Variants in RYR3 observed in about 807,000 individuals in gnomAD.
The protein encoded by RYR3 is brain ryanodine receptor-calcium release channel.
A neutral mutation model predicts 584.3 loss-of-function variants in RYR3; 207 were observed. The ratio of observed to expected loss-of-function variants is 0.35; its 90% CI spans 0.32 to 0.40. The LOEUF (loss-of-function observed/expected upper bound fraction) is 0.40. RYR3 is among the 10% of genes least tolerant of loss of function. The pLI, the probability that RYR3 is intolerant of heterozygous loss-of-function variation, is 1.00. For synonymous variants in RYR3, 2,416 were observed against 2,248.5 expected (o/e 1.07, Z -2.11); for missense variants, 5,616 against 6,089.2 (o/e 0.92, Z 2.59).
chr15:33,775,153 C>T lies in RYR3; in HGVS notation c.9137+1538C>T, dbSNP rs377214226. ...CAGGTTGATTGTGTATCTGCAGCAC[C>T]GTGAAAATAGTGCCTGTGCTTCGTG... On this transcript the variant is annotated intron_variant, in intron 64 of 103. Coordinates refer to ENST00000634891, the MANE Select transcript of RYR3 (RefSeq NM_001036.6). Among the ~76,000 whole-genome samples the T allele has an allele frequency of 8.5e-5, 13 of 152,152 alleles. No individual in the cohort carries two copies. The East Asian group carries it at 1.2e-3, about 14-fold the overall frequency.
intron 1 of RYR3, among the ~76,000 whole-genome samples, chr15:33,368,850 A>G (rs1975902217): frequency 6.6e-6 from 1 of 152,172 alleles, no homozygotes; most frequent in Non-Finnish European, 1.5e-5. Context: ...AGCGAGGTCC[A>G]GAAGAGAGGG....
At chr15:33,700,490 C>G (rs984527036) in intron 41 of RYR3, among the ~76,000 whole-genome samples, 1 of 152,176 alleles carries the variant, frequency 6.6e-6, no homozygotes, top group African/African-American at 2.4e-5. Context: ...AGGCTACTAA[C>G]CTTTTTGTAA....
At chr15:33,772,288 AG>A in intron 63 of RYR3, 130 bp downstream of exon 63, 1 of 585,294 alleles carries the variant, frequency 1.7e-6, no homozygotes, top group Non-Finnish European at 3.0e-6. Context: ...TTTCTTTCTT[AG>A]ATTAAAAAAG....
At chr15:33,727,424 G>T (rs16957874) in intron 46 of RYR3, among the ~76,000 whole-genome samples, 2,194 of 152,196 alleles carry the variant, frequency 0.014, 48 homozygotes, top group African/African-American at 0.051. Flanking sequence ...AGGGACCCGG[G>T]GTCAAATAAG....
rs774135328 is a variant in RYR3, at chr15:33,816,972, C to T, written c.10599+14C>T. On this transcript the variant is annotated intron_variant, in intron 75 of 103. Transcript: ENST00000634891. ...CAGGATTTGGCTGTAAGTACTGACT[C>T]CCCTGGGAGCAGATATGAGTGTGGA... 2.0e-6 allele frequency: 3 copies of T among 1,485,802 alleles called. No homozygotes were observed. Among genetic ancestry groups the T allele is most frequent in the African/African-American group, 2.8e-5 (2 of 72,310 alleles). The allele number at this position is 1,485,802 out of a possible 1,614,324, so 92.0% of individuals were successfully genotyped here. A position where few individuals can be genotyped will look rare whatever the true frequency, so the allele number is the denominator to read the frequency against.
chr15:33,789,684 T>G (rs1353281403), intron 67 of RYR3, among the ~76,000 whole-genome samples: 1 of 60,808 alleles, frequency 1.6e-5, no homozygotes, highest in Non-Finnish European at 3.4e-5. Context: ...TTTTTTTTTT[T>G]TTTTTTTTGA....
Position 33,755,146 on chromosome 15 carries a change from C to T in RYR3, c.8481C>T (p.Tyr2827=), listed in dbSNP as rs188257094. 3.0e-4 allele frequency: 487 copies of T among 1,611,660 alleles called. No homozygotes were observed. The highest frequency in any genetic ancestry group is 1.1e-3 in the African/African-American group (82 of 74,996). The change falls in exon 58 of 104, where the codon TAC becomes TAT. Residue 2827 remains tyrosine (Y), a synonymous_variant. Transcript: ENST00000634891. The part of the protein sequence containing the change: ...AYKFLKKILK[Y]VDSAQEFIAH... ...AGTTCTTGAAGAAGATCCTGAAATA[C>T]GTTGATTCTGCTCAAGAATTTATTG...
intron 1 of RYR3, among the ~76,000 whole-genome samples, chr15:33,377,284 C>G (rs1399422325): frequency 6.6e-6 from 1 of 152,188 alleles, no homozygotes; most frequent in Non-Finnish European, 1.5e-5. Context: ...CTGGGCAGCT[C>G]TTCTCTAAAC....
intron 32 of RYR3, among the ~76,000 whole-genome samples, chr15:33,657,235 G>T (rs2062869141): frequency 1.3e-5 from 2 of 152,228 alleles, no homozygotes; most frequent in Admixed American, 1.3e-4. Context: ...ACTTTCTGCA[G>T]GGAGGGTTGA....
At chr15:33,689,719 T>C (rs549313964) in intron 38 of RYR3, among the ~76,000 whole-genome samples, 1 of 152,352 alleles carries the variant, frequency 6.6e-6, no homozygotes, top group East Asian at 1.9e-4. Flanking sequence ...TTCTCTTCTC[T>C]AGTTTCTTTT....
intron 46 of RYR3, among the ~76,000 whole-genome samples, chr15:33,728,118 T>A (rs1242153826): frequency 6.6e-6 from 1 of 152,230 alleles, no homozygotes; most frequent in Non-Finnish European, 1.5e-5. Flanking sequence ...TCATGTTTTC[T>A]CCCTCACTTA....
At chr15:33,817,360 C>G (rs1181586838) in intron 75 of RYR3, among the ~76,000 whole-genome samples, 1 of 152,116 alleles carries the variant, frequency 6.6e-6, no homozygotes, top group African/African-American at 2.4e-5. Flanking sequence ...TCTTACATTT[C>G]TATATTTGGC....
chr15:33,864,797 C>T, intron 103 of RYR3: 1 of 244,694 alleles, frequency 4.1e-6, no homozygotes, highest in Admixed American at 5.0e-5. Context: ...TAAACGTTCC[C>T]TCAAGCATTC....
chr15:33,398,675 C>T (rs925615716), intron 1 of RYR3, among the ~76,000 whole-genome samples: 1 of 152,184 alleles, frequency 6.6e-6, no homozygotes, highest in African/African-American at 2.4e-5. Flanking sequence ...GAGCTTTGGT[C>T]TCCTCTTGTG....
chr15:33,410,794 A>C (rs2043350351), intron 1 of RYR3, among the ~76,000 whole-genome samples: 1 of 152,198 alleles, frequency 6.6e-6, no homozygotes, highest in Non-Finnish European at 1.5e-5. Context: ...GACATACCCA[A>C]GATTGGGTAA....
intron 38 of RYR3, among the ~76,000 whole-genome samples, chr15:33,688,403 C>G (rs1161620549): frequency 1.3e-5 from 2 of 151,884 alleles, no homozygotes; most frequent in African/African-American, 4.8e-5. Context: ...GAAACCCCGT[C>G]TCTACTAAAA....
At chr15:33,531,689 C>G (rs1236759522) in intron 4 of RYR3, among the ~76,000 whole-genome samples, 1 of 151,630 alleles carries the variant, frequency 6.6e-6, no homozygotes, top group East Asian at 1.9e-4. Context: ...CCTTTTCAGC[C>G]TGAACATTCG....
intron 13 of RYR3, among the ~76,000 whole-genome samples, chr15:33,580,786 C>A (rs1432898192): frequency 6.6e-6 from 1 of 152,140 alleles, no homozygotes; most frequent in Non-Finnish European, 1.5e-5. Flanking sequence ...AGGGCTTGTC[C>A]CTTGGGCATT....
Position 33,634,276 on chromosome 15 carries a change from C to G in RYR3, c.3028-310C>G, listed in dbSNP as rs2061401357. Among the ~76,000 whole-genome samples, 5 of 152,174 alleles carry G rather than the reference C, an allele frequency of 3.3e-5. 1 individual carries two copies. In the South Asian group the frequency reaches 1.0e-3, roughly 31 times the overall value. Reference sequence around the variant, plus strand: ...CATGTTGGCAGACTGGTCTCAAACTCCTGACCTCAAGTGATCCACCCACCT... The same window carrying G: ...CATGTTGGCAGACTGGTCTCAAACTGCTGACCTCAAGTGATCCACCCACCT... On this transcript the variant is annotated intron_variant, in intron 24 of 103. Coordinates refer to ENST00000634891, the MANE Select transcript of RYR3 (RefSeq NM_001036.6).
Sources: allele counts gnomAD v4.1 joint callset (sites outside exome capture counted in the v4.1 genomes callset), GRCh38; gene constraint gnomAD v4.1.1; transcripts MANE v1.5; gene names NCBI Gene and HGNC (gene_info 2026-07-23, HGNC 2026-07-21).